Variants in TG observed in about 807,000 individuals in gnomAD.
TG encodes thyroid hormones.
A neutral mutation model predicts 324.7 loss-of-function variants in TG; 270 were observed. The ratio of observed to expected loss-of-function variants is 0.83; its 90% CI spans 0.75 to 0.92. The LOEUF (loss-of-function observed/expected upper bound fraction) is 0.92, where lower values mean the gene tolerates loss of function less well. Among genes scored for constraint, TG ranks in the 40% least tolerant of loss-of-function variants. The pLI is 0.00. For synonymous variants in TG, 1,401 were observed against 1,327.0 expected (o/e 1.06, Z -1.21); for missense variants, 3,591 against 3,456.4 (o/e 1.04, Z -0.98).
intron 32 of TG, among the ~76,000 whole-genome samples, chr8:132,970,295 T>A (rs1167885177): frequency 2.0e-5 from 3 of 152,164 alleles, no homozygotes; most frequent in African/African-American, 7.2e-5. Flanking sequence ...TCTCTCCTAG[T>A]ATTGTCTGTG....
intron 41 of TG, chr8:133,049,994 A>G: frequency 1.3e-6 from 2 of 1,590,226 alleles, no homozygotes; most frequent in Non-Finnish European, 1.7e-6. Context: ...CTTCACTGTA[A>G]GAACAAGAAC....
intron 10 of TG, among the ~76,000 whole-genome samples, chr8:132,893,126 G>A (rs1816502805): frequency 7.0e-6 from 1 of 142,512 alleles, no homozygotes; most frequent in South Asian, 2.3e-4. Flanking sequence ...TGTGTGGAGG[G>A]TGTGTGTGTG....
chr8:133,050,713 C>A (rs1207476264), intron 41 of TG: 2 of 769,538 alleles, frequency 2.6e-6, no homozygotes, highest in South Asian at 1.6e-5. Context: ...AGGACCAGGA[C>A]TCATGTGGAA....
intron 19 of TG, among the ~76,000 whole-genome samples, chr8:132,912,812 A>G (rs72727412): frequency 0.095 from 14,497 of 152,248 alleles, 782 homozygotes; most frequent in African/African-American, 0.13. Context: ...CAGAAATGGC[A>G]AGAGCCAGGA....
chr8:133,124,124 A>G (rs1005474022), intron 45 of TG, among the ~76,000 whole-genome samples: 5 of 152,238 alleles, frequency 3.3e-5, no homozygotes, highest in African/African-American at 9.6e-5. Context: ...CAGAGAGGAC[A>G]TGGAAGCCTC....
chr8:133,129,555 G>T (rs4316133), intron 45 of TG, among the ~76,000 whole-genome samples: 1 of 152,008 alleles, frequency 6.6e-6, no homozygotes, highest in East Asian at 1.9e-4. Context: ...GAGTGCAGTG[G>T]TACAATCGTG....
chr8:132,908,539 AG>A (rs1201887603), intron 18 of TG, among the ~76,000 whole-genome samples, 199 bp downstream of exon 18: 1 of 151,818 alleles, frequency 6.6e-6, no homozygotes, highest in Non-Finnish European at 1.5e-5. Context: ...GGGTCTTCCC[AG>A]GGGTCTGGCC....
At chr8:132,949,617 G>A (rs946235829) in intron 27 of TG, among the ~76,000 whole-genome samples, 1 of 152,160 alleles carries the variant, frequency 6.6e-6, no homozygotes, top group African/African-American at 2.4e-5. Context: ...TTTACCAATT[G>A]TACTGCCCAC....
chr8:133,120,377 C>G (rs1851046690), intron 45 of TG, among the ~76,000 whole-genome samples: 1 of 152,144 alleles, frequency 6.6e-6, no homozygotes, highest in African/African-American at 2.4e-5. Flanking sequence ...TGGGCCCTAC[C>G]TGGATCACTT....
At chr8:133,085,298 G>A (rs1463592928) in intron 41 of TG, among the ~76,000 whole-genome samples, 2 of 152,134 alleles carry the variant, frequency 1.3e-5, no homozygotes, top group African/African-American at 4.8e-5. Context: ...CACTAGGCAA[G>A]CATTTCTTAG....
At chr8:133,095,677 A>G (rs1015083183) in intron 42 of TG, among the ~76,000 whole-genome samples, 2 of 152,178 alleles carry the variant, frequency 1.3e-5, no homozygotes, top group African/African-American at 2.4e-5. Context: ...TAGCATGCAA[A>G]GTTCTTGCTT....
chr8:132,968,955 G>T (rs148330353), intron 31 of TG, among the ~76,000 whole-genome samples: 2,919 of 152,234 alleles, frequency 0.019, 59 homozygotes, highest in Non-Finnish European at 0.027. Flanking sequence ...CTCTTCTGTC[G>T]TCCTGAGAGA....
chr8:132,869,661 T>C, intron 2 of TG, 68 bp from the exon 3 acceptor site: 1 of 1,348,694 alleles, frequency 7.4e-7, no homozygotes, highest in South Asian at 1.2e-5. Context: ...AAAAGTAGCC[T>C]GAGTGGGAGC....
At position 132,887,083 on chromosome 8, in the gene TG, C is replaced by T. The variant is rs940844676; in HGVS notation, c.1711C>T (p.Leu571Phe). The T allele has an allele frequency of 4.3e-6, 7 of 1,614,110 alleles. No homozygotes were observed. The highest frequency in any genetic ancestry group is 5.9e-6 in the Non-Finnish European group (7 of 1,180,056). ...NQNALKFLASLLELPEFLLFL... is the reference protein window; with the variant it reads ...NQNALKFLASFLELPEFLLFL... ...AAATGCCCTCAAATTCCTTGCTTCT[C>T]TCCTGGAGCTTCCAGAATTCCTTCT... The change falls in exon 9 of 48, where the codon CTC (leucine) becomes TTC (phenylalanine). Residue 571 changes from leucine (L) to phenylalanine (F), a missense_variant. Leu to Phe is a conservative substitution (Grantham distance 22, BLOSUM62 0). Coordinates refer to ENST00000220616, the MANE Select transcript of TG (RefSeq NM_003235.5).
rs374390455 is a variant in TG at position 133,019,661 on chromosome 8, G to A, written c.6842G>A (p.Cys2281Tyr). 3.1e-6 allele frequency: 5 copies of A among 1,613,574 alleles called. No homozygotes were observed. In the African/African-American group the frequency reaches 5.3e-5, roughly 17 times the overall value. ...ACGTCTCCTGGAGTCAGTGAAGATTGTTTGTATCTCAATGTGTTCATCCCT... is the reference window on the plus strand; with the variant it reads ...ACGTCTCCTGGAGTCAGTGAAGATTATTTGTATCTCAATGTGTTCATCCCT... ...TSTSPGVSED[C>Y]LYLNVFIPQN... Residue 2281 changes from cysteine to tyrosine, a missense_variant, in exon 39 of 48, where the codon TGT becomes TAT. Coordinates refer to ENST00000220616, the MANE Select transcript of TG (RefSeq NM_003235.5).
rs150720986 is a variant in TG at position 132,904,083 on chromosome 8, A to G, written c.3634+2530A>G. Among the ~76,000 whole-genome samples, 207 of 152,262 alleles carry G rather than the reference A, an allele frequency of 1.4e-3. No homozygotes were observed. In the Middle Eastern group the frequency reaches 0.027, roughly 20 times the overall value. On this transcript the variant is annotated intron_variant, in intron 16 of 47. Transcript: ENST00000220616. ...CATTAGCCTGGTAGCTCAGAGCACAACACTTCCTGGTGTTGGGCTTTGGGT... is the reference window on the plus strand; with the variant it reads ...CATTAGCCTGGTAGCTCAGAGCACAGCACTTCCTGGTGTTGGGCTTTGGGT...
chr8:133,004,481 A>G (rs1026550286), intron 35 of TG, among the ~76,000 whole-genome samples: 6 of 152,124 alleles, frequency 3.9e-5, no homozygotes, highest in Non-Finnish European at 8.8e-5. Context: ...TGATGCCTCT[A>G]TAATCTTAGG....
chr8:132,996,263 A>C (rs116819630), intron 35 of TG, among the ~76,000 whole-genome samples: 66 of 152,358 alleles, frequency 4.3e-4, no homozygotes, highest in African/African-American at 1.5e-3. Flanking sequence ...GATTTTATTA[A>C]ATCAGCTTCC....
chr8:132,960,428 A>G (rs953901148), intron 27 of TG, among the ~76,000 whole-genome samples: 5 of 152,168 alleles, frequency 3.3e-5, no homozygotes, highest in African/African-American at 1.2e-4. Context: ...GGCAGCACTG[A>G]CCATCAGGAA....
Sources: gnomAD v4.1 joint callset for allele counts (sites outside exome capture counted in the v4.1 genomes callset) on GRCh38, gnomAD v4.1.1 for gene constraint, MANE v1.5 for transcripts, NCBI Gene and HGNC (gene_info 2026-07-23, HGNC 2026-07-21) for gene names.